The following ZNF385D variants were observed in gnomAD, a reference collection of about 807,000 sequenced individuals.
ZNF385D encodes zinc finger protein 385D, also known as zinc finger protein 659.
ZNF385D carries 15 observed loss-of-function variants against 35.8 expected under a neutral mutation model. That is an observed-to-expected ratio of 0.42 (90% CI 0.28 to 0.64). The LOEUF (loss-of-function observed/expected upper bound fraction) is 0.64, where lower values mean the gene tolerates loss of function less well. Among genes scored for constraint, ZNF385D ranks in the 30% least tolerant of loss-of-function variants. The pLI is 0.23. For missense variants in ZNF385D, 474 were observed against 494.6 expected, an observed-to-expected ratio of 0.96 and a Z score of 0.39; for synonymous variants, 212 against 186.8, an observed-to-expected ratio of 1.13 and a Z score of -1.10.
At chr3:21,793,964 C>A (rs1182863956) in intron 3 of ZNF385D, among the ~76,000 whole-genome samples, 1 of 152,114 alleles carries the variant, frequency 6.6e-6, no homozygotes, top group Admixed American at 6.5e-5. Context: ...GGAGTAAAAT[C>A]AGTTATGAAA....
At chr3:22,258,528 A>T (rs957660717) in intron 2 of ZNF385D, among the ~76,000 whole-genome samples, 3 of 151,760 alleles carry the variant, frequency 2.0e-5, no homozygotes, top group Non-Finnish European at 4.4e-5. Context: ...GACTAAAAAA[A>T]GGCCTCTCTG....
At chr3:21,851,368 A>T (rs1309566800) in intron 3 of ZNF385D, among the ~76,000 whole-genome samples, 1 of 152,004 alleles carries the variant, frequency 6.6e-6, no homozygotes, top group Non-Finnish European at 1.5e-5. Flanking sequence ...AACTTCTTGG[A>T]AAGTTAAATA....
At chr3:21,732,174 C>T (rs1465158894) in intron 1 of ZNF385D, among the ~76,000 whole-genome samples, 4 of 150,824 alleles carry the variant, frequency 2.7e-5, no homozygotes, top group African/African-American at 4.9e-5. Context: ...CTCAGCCTCC[C>T]GAGTAGCTGG....
chr3:22,004,279 A>C (rs541642273), intron 3 of ZNF385D, among the ~76,000 whole-genome samples: 1 of 152,174 alleles, frequency 6.6e-6, no homozygotes, highest in Non-Finnish European at 1.5e-5. Flanking sequence ...CATATTCAAA[A>C]AATGACTCAA....
chr3:21,892,676 A>T (rs1698932346), intron 3 of ZNF385D, among the ~76,000 whole-genome samples: 1 of 152,162 alleles, frequency 6.6e-6, no homozygotes, highest in African/African-American at 2.4e-5. Flanking sequence ...ATTAAATTTA[A>T]TTACATTTAA....
Position 22,165,071 on chromosome 3 carries a change from G to A in ZNF385D, c.325+3746C>T, listed in dbSNP as rs796446695. On this transcript the variant is annotated intron_variant, in intron 3 of 5. Coordinates refer to the ZNF385D transcript ENST00000494108. ...CAGCAAAACTATTCTGTATGATGTT[G>A]TGATGTTGGATACATGTCATTACAC... Among the ~76,000 whole-genome samples, 16 of 152,284 alleles carry A rather than the reference G, an allele frequency of 1.1e-4. No individual in the cohort carries two copies. The South Asian group carries it at 2.3e-3, about 22-fold the overall frequency.
chr3:21,964,307 T>G (rs1702757430), intron 3 of ZNF385D, among the ~76,000 whole-genome samples: 1 of 147,424 alleles, frequency 6.8e-6, no homozygotes, highest in Non-Finnish European at 1.5e-5. Flanking sequence ...TAGATATTTT[T>G]ACAATACAAA....
intron 3 of ZNF385D, among the ~76,000 whole-genome samples, chr3:21,910,114 AT>A (rs1347758549): frequency 1.5e-5 from 2 of 130,826 alleles, no homozygotes; most frequent in Non-Finnish European, 3.4e-5. Context: ...CACAGAGCCA[AT>A]TATCTTCCTT....
intron 4 of ZNF385D, among the ~76,000 whole-genome samples, chr3:21,446,487 C>CT (rs71044918): frequency 0.014 from 1,317 of 91,704 alleles, 120 homozygotes; most frequent in African/African-American, 0.031. Flanking sequence ...AATCAATGAA[C>CT]TTTTTTTTTT....
At chr3:21,878,233 G>A (rs1190841803) in intron 3 of ZNF385D, 1 of 151,922 alleles carries the variant, frequency 6.6e-6, no homozygotes, top group African/African-American at 2.4e-5. Context: ...ACTTATCCAG[G>A]TGATGTAGCT....
intron 2 of ZNF385D, among the ~76,000 whole-genome samples, chr3:22,225,357 A>T (rs576868407): frequency 1.3e-5 from 2 of 152,222 alleles, no homozygotes; most frequent in South Asian, 4.2e-4. Flanking sequence ...GCTCTCGTGT[A>T]ACCCGCGTCC....
intron 3 of ZNF385D, among the ~76,000 whole-genome samples, chr3:21,757,193 G>A (rs538257274): frequency 5.5e-4 from 80 of 145,988 alleles, no homozygotes; most frequent in South Asian, 6.4e-4. Context: ...CTGGAGTGGC[G>A]CAATCTCAGC....
At chr3:21,543,181 C>G (rs2062239789) in intron 3 of ZNF385D, among the ~76,000 whole-genome samples, 1 of 152,058 alleles carries the variant, frequency 6.6e-6, no homozygotes, top group African/African-American at 2.4e-5. Context: ...TGTGGTGGCG[C>G]GCGCCTGTAA....
At chr3:21,767,913 A>G (rs1456298595) in intron 3 of ZNF385D, among the ~76,000 whole-genome samples, 1 of 152,154 alleles carries the variant, frequency 6.6e-6, no homozygotes, top group African/African-American at 2.4e-5. Flanking sequence ...GCATATCCAA[A>G]TGATGTATCC....
chr3:21,474,500 A>C (rs1704107749), intron 4 of ZNF385D, among the ~76,000 whole-genome samples: 7 of 152,110 alleles, frequency 4.6e-5, no homozygotes. Context: ...TCACTCTCCA[A>C]GGTCAAACAC....
chr3:21,696,124 G>A (rs2067461630), intron 1 of ZNF385D, among the ~76,000 whole-genome samples: 1 of 152,170 alleles, frequency 6.6e-6, no homozygotes, highest in African/African-American at 2.4e-5. Context: ...TGGCTCCAAG[G>A]CCATCAGAGT....
At chr3:21,944,868 A>C (rs1352046759) in intron 3 of ZNF385D, among the ~76,000 whole-genome samples, 2 of 152,112 alleles carry the variant, frequency 1.3e-5, no homozygotes, top group Non-Finnish European at 2.9e-5. Context: ...TATATATGTA[A>C]AGTACTTACT....
chr3:21,432,206 C>A (rs1343612056), intron 5 of ZNF385D, among the ~76,000 whole-genome samples: 1 of 152,086 alleles, frequency 6.6e-6, no homozygotes, highest in East Asian at 1.9e-4. Flanking sequence ...GTATTAAATG[C>A]ATTTATTGTT....
intron 3 of ZNF385D, among the ~76,000 whole-genome samples, chr3:22,122,713 A>C (rs948938976): frequency 2.0e-5 from 3 of 152,184 alleles, no homozygotes; most frequent in African/African-American, 4.8e-5. Context: ...TTGGATATGG[A>C]AAGTACCAAG....
Sources: allele counts gnomAD v4.1 joint callset (sites outside exome capture counted in the v4.1 genomes callset), GRCh38; gene constraint gnomAD v4.1.1; transcripts MANE v1.5; gene names NCBI Gene and HGNC (gene_info 2026-07-23, HGNC 2026-07-21).